Variants in KCNAB1 observed in about 807,000 individuals in gnomAD.
KCNAB1 encodes voltage-gated potassium channel subunit beta-1.
KCNAB1 carries 35 observed loss-of-function variants against 64.6 expected under a neutral mutation model. The ratio of observed to expected loss-of-function variants is 0.54; its 90% confidence interval spans 0.41 to 0.72. The LOEUF is 0.72. Ranked by LOEUF, KCNAB1 falls within the 30% of genes least tolerant of loss-of-function variation. The probability of loss-of-function intolerance (pLI) is 0.00; values close to 1 mark genes in which losing one functional copy is unlikely to be tolerated. For synonymous variants in KCNAB1, 177 were observed against 183.8 expected, an observed-to-expected ratio of 0.96 and a Z score of 0.30; for missense variants, 401 against 512.9, an observed-to-expected ratio of 0.78 and a Z score of 2.11.
At chr3:156,406,004 C>T (rs1234894309) in intron 1 of KCNAB1, among the ~76,000 whole-genome samples, 1 of 152,054 alleles carries the variant, frequency 6.6e-6, no homozygotes, top group Non-Finnish European at 1.5e-5. Context: ...CCATTAGTAT[C>T]TTGGTGAGAG....
intron 7 of KCNAB1, among the ~76,000 whole-genome samples, chr3:156,467,362 A>G (rs992807924): frequency 9.9e-5 from 15 of 152,156 alleles, no homozygotes; most frequent in African/African-American, 2.9e-4. Flanking sequence ...CTTTGGATTC[A>G]TGATTGATCA....
At chr3:156,162,296 G>A (rs1444662617) in intron 1 of KCNAB1, among the ~76,000 whole-genome samples, 2 of 151,958 alleles carry the variant, frequency 1.3e-5, no homozygotes, top group African/African-American at 4.8e-5. Flanking sequence ...GAAAATGGTA[G>A]CAATATCACT....
chr3:156,442,591 C>T (rs1717081428), intron 2 of KCNAB1, among the ~76,000 whole-genome samples: 1 of 152,190 alleles, frequency 6.6e-6, no homozygotes, highest in Non-Finnish European at 1.5e-5. Flanking sequence ...TAATCAATCC[C>T]AGATGTTTAA....
At chr3:156,443,552 T>C (rs1037385437) in intron 2 of KCNAB1, among the ~76,000 whole-genome samples, 2 of 152,096 alleles carry the variant, frequency 1.3e-5, no homozygotes, top group African/African-American at 4.8e-5. Context: ...TCAGACCCTG[T>C]AGTTGTGATA....
chr3:156,120,779 G>C lies in KCNAB1; in HGVS notation c.168G>C (p.Arg56Ser), dbSNP rs778271409. Residue 56 changes from arginine (R) to serine (S), a missense_variant, in exon 1 of 14, where the codon AGG becomes AGC. Arg to Ser is a moderately radical substitution (Grantham distance 110). Coordinates refer to ENST00000490337, the MANE Select transcript of KCNAB1 (RefSeq NM_172160.3). ...SLSPSGESQL[R>S]ARQLALLREV... The stretch of plus-strand genomic sequence containing the variant: ...GTCCCTCAGGGGAAAGCCAGCTCAG[G>C]GCGCGTCAACTGGCTCTGCTGCGCG... The C allele has an allele frequency of 1.9e-6, 3 of 1,614,086 alleles. No homozygotes were observed. In the African/African-American group the frequency reaches 4.0e-5, roughly 22 times the overall value.
rs753031336 is a variant in KCNAB1 at position 156,120,661 on chromosome 3, A to G, written c.50A>G (p.Asn17Ser). The change falls in exon 1 of 14, where the codon AAC (asparagine) becomes AGC (serine). Residue 17 changes from asparagine to serine, a missense_variant. Physicochemically the swap from Asn to Ser is conservative, Grantham distance 46 (BLOSUM62 1). Coordinates refer to ENST00000490337, the MANE Select transcript of KCNAB1 (RefSeq NM_172160.3). ...GCGGGGAGTCAGATCTCAGAGGAGAACACCAAGTTAAGGAGACAGTCTGGG... is the reference window on the plus strand; with the variant it reads ...GCGGGGAGTCAGATCTCAGAGGAGAGCACCAAGTTAAGGAGACAGTCTGGG... The part of the protein sequence containing the change: ...GAAGSQISEE[N>S]TKLRRQSGFS... The G allele has an allele frequency of 3.7e-6, 6 of 1,614,236 alleles. No homozygotes were observed. Among genetic ancestry groups the G allele is most frequent in the Non-Finnish European group, 4.2e-6 (5 of 1,180,036 alleles).
chr3:156,329,585 ATGGAGCCATCT>A (rs1160779368), intron 1 of KCNAB1, among the ~76,000 whole-genome samples: 1 of 152,166 alleles, frequency 6.6e-6, no homozygotes, highest in East Asian at 1.9e-4. Flanking sequence ...AGGGGGACAC[ATGGAGCCATCT>A]GTGGCCTGAG....
chr3:156,363,626 C>A (rs981823570), intron 1 of KCNAB1, among the ~76,000 whole-genome samples: 5 of 152,130 alleles, frequency 3.3e-5, no homozygotes, highest in African/African-American at 1.2e-4. Context: ...CAGGCGCACA[C>A]CACCACACCC....
At chr3:156,217,700 T>C (rs1422321158) in intron 1 of KCNAB1, among the ~76,000 whole-genome samples, 1 of 152,252 alleles carries the variant, frequency 6.6e-6, no homozygotes, top group Admixed American at 6.5e-5. Context: ...GTGCTCATTA[T>C]TTAACATGCC....
chr3:156,389,210 C>G (rs1027839673), intron 1 of KCNAB1, among the ~76,000 whole-genome samples: 1 of 152,206 alleles, frequency 6.6e-6, no homozygotes, highest in African/African-American at 2.4e-5. Context: ...CTTGCCTGGT[C>G]AGAAACAAAT....
At chr3:156,372,399 G>A (rs1726367229) in intron 1 of KCNAB1, among the ~76,000 whole-genome samples, 1 of 152,144 alleles carries the variant, frequency 6.6e-6, no homozygotes, top group Non-Finnish European at 1.5e-5. Context: ...TTAAAACAGT[G>A]GTTCTCAAAT....
intron 1 of KCNAB1, among the ~76,000 whole-genome samples, chr3:156,169,200 A>G (rs1711799006): frequency 6.6e-6 from 1 of 152,200 alleles, no homozygotes; most frequent in African/African-American, 2.4e-5. Context: ...TCTCCCTCAC[A>G]GTTAGAATCT....
At chr3:156,476,124 C>A (rs988638782) in intron 8 of KCNAB1, among the ~76,000 whole-genome samples, 3 of 151,992 alleles carry the variant, frequency 2.0e-5, no homozygotes, top group African/African-American at 7.2e-5. Context: ...GATAATATGA[C>A]GTTATTCAAC....
At chr3:156,160,492 C>T (rs1020363109) in intron 1 of KCNAB1, among the ~76,000 whole-genome samples, 12 of 152,004 alleles carry the variant, frequency 7.9e-5, no homozygotes, top group Non-Finnish European at 1.5e-4. Flanking sequence ...ACCCTTTTGG[C>T]GAAGAGAGTG....
chr3:156,235,927 A>C (rs1716823769), intron 1 of KCNAB1, among the ~76,000 whole-genome samples: 1 of 152,208 alleles, frequency 6.6e-6, no homozygotes, highest in Non-Finnish European at 1.5e-5. Context: ...AGGTACATAT[A>C]GTCTAAAGTT....
At chr3:156,277,583 G>C (rs1719417470) in intron 1 of KCNAB1, among the ~76,000 whole-genome samples, 1 of 152,052 alleles carries the variant, frequency 6.6e-6, no homozygotes, top group Non-Finnish European at 1.5e-5. Context: ...ATTTTCTTCT[G>C]TTTAAGGGCT....
intron 6 of KCNAB1, 128 bp from the exon 7 acceptor site, chr3:156,465,515 T>C: frequency 1.4e-6 from 1 of 735,338 alleles, no homozygotes; most frequent in South Asian, 1.7e-5. Flanking sequence ...ACTTCTCTCC[T>C]TAGCCTCCCT....
At chr3:156,536,287 T>C (rs1001506262) in intron 13 of KCNAB1, among the ~76,000 whole-genome samples, 1 of 152,274 alleles carries the variant, frequency 6.6e-6, no homozygotes, top group African/African-American at 2.4e-5. Context: ...CTATATTGAT[T>C]ACATGTTGAA....
chr3:156,408,110 G>T (rs960230286), intron 1 of KCNAB1, among the ~76,000 whole-genome samples: 2 of 152,180 alleles, frequency 1.3e-5, no homozygotes, highest in African/African-American at 4.8e-5. Flanking sequence ...GCGCTGGGAG[G>T]GGGTGTGCAT....
Sources: allele counts gnomAD v4.1 joint callset (sites outside exome capture counted in the v4.1 genomes callset), GRCh38; gene constraint gnomAD v4.1.1; transcripts MANE v1.5; gene names NCBI Gene and HGNC (gene_info 2026-07-23, HGNC 2026-07-21).